Variants in CPZ observed in about 807,000 individuals in gnomAD.
CPZ encodes carboxypeptidase Z.
A neutral mutation model predicts 61.8 loss-of-function variants in CPZ; 103 were observed. That is an observed-to-expected ratio of 1.67 (90% CI 1.42 to 1.96). The LOEUF (loss-of-function observed/expected upper bound fraction) is 1.96. CPZ is among the 30% of genes most tolerant of loss of function. The pLI is 0.00. For missense variants in CPZ, 1,461 were observed against 914.9 expected (o/e 1.60, Z -7.70); for synonymous variants, 551 against 373.7 (o/e 1.47, Z -5.47).
intron 2 of CPZ, chr4:8,600,855 TGCAGATGGAGAC>T (rs902705776): frequency 4.2e-5 from 45 of 1,074,760 alleles, no homozygotes; most frequent in Non-Finnish European, 5.2e-5. Context: ...ACAGCTGCTT[TGCAGATGGAGAC>T]GCCGAGGCTC....
At chr4:8,593,556 TC>T (rs1448254958) in intron 1 of CPZ, among the ~76,000 whole-genome samples, 1 of 152,150 alleles carries the variant, frequency 6.6e-6, no homozygotes, top group Admixed American at 6.5e-5. Context: ...GATCCTGGGC[TC>T]CCGTCTGGCC....
At chr4:8,605,384 C>T (rs1043115694) in intron 4 of CPZ, among the ~76,000 whole-genome samples, 5 of 138,602 alleles carry the variant, frequency 3.6e-5, no homozygotes, top group African/African-American at 1.4e-4. Flanking sequence ...CATCCATCAT[C>T]CACCCATTCA....
chr4:8,609,945 G>C (rs1333456939), intron 7 of CPZ, among the ~76,000 whole-genome samples: 1 of 152,184 alleles, frequency 6.6e-6, no homozygotes, highest in Non-Finnish European at 1.5e-5. Flanking sequence ...ACGGACGAGA[G>C]CCAGTGCCTG....
chr4:8,599,611 T>C (rs1326350302), intron 2 of CPZ, 126 bp downstream of exon 2: 1 of 1,511,736 alleles, frequency 6.6e-7, no homozygotes, highest in Admixed American at 2.2e-5. Flanking sequence ...AGCCCATTAA[T>C]CAAACTAGAA....
chr4:8,608,054 C>T (rs1050143766), intron 7 of CPZ, among the ~76,000 whole-genome samples: 5 of 146,872 alleles, frequency 3.4e-5, no homozygotes, highest in South Asian at 2.3e-4. Context: ...TGGGGGAGGG[C>T]GCGGAGTTGG....
rs200000482 is a variant in CPZ at position 8,619,605 on chromosome 4, G to A, written c.1947G>A (p.Leu649=). 1.7e-5 allele frequency: 25 copies of A among 1,502,556 alleles called. No homozygotes were observed. In the African/African-American group the frequency reaches 2.4e-4, roughly 14 times the overall value. 93.1% of individuals were successfully genotyped at this position (1,502,556 alleles called of 1,614,324 possible). ...TSLSTHRPRW[L]LKY is the part of the protein sequence containing the mutation. The stretch of plus-strand genomic sequence containing the variant: ...TGAGCACCCACAGGCCACGCTGGCT[G>A]CTCAAGTACTAGCCCCGGCCCCAGC... The change falls in exon 11 of 11, where the codon CTG becomes CTA. Residue 649 remains leucine, a synonymous_variant. Transcript: ENST00000360986.
rs749219900 is a variant in CPZ at position 8,612,018 on chromosome 4, C to T, written c.1228-9C>T. On this transcript the variant is annotated splice_polypyrimidine_tract_variant and intron_variant, in intron 7 of 10. Transcript: ENST00000360986. ...CCCTTTCCTTATCTGAGCCAGGTTT[C>T]TTTTCCAGATGTTCAAGCTGCTGTC... 1 of 1,613,922 alleles carries T rather than the reference C, an allele frequency of 6.2e-7. No homozygotes were observed. Among genetic ancestry groups the T allele is most frequent in the Admixed American group, 1.7e-5 (1 of 60,002 alleles).
intron 3 of CPZ, chr4:8,603,520 G>C (rs1714729485): frequency 5.9e-6 from 1 of 169,908 alleles, no homozygotes; most frequent in Admixed American, 6.1e-5. Context: ...AGCCGGAGGG[G>C]GCACCACAAG....
intron 3 of CPZ, chr4:8,602,230 C>G (rs1010959374): frequency 4.6e-5 from 7 of 152,388 alleles, no homozygotes; most frequent in Non-Finnish European, 8.8e-5. Context: ...CATGGAGTCC[C>G]CTGTGTCTGT....
intron 8 of CPZ, among the ~76,000 whole-genome samples, chr4:8,613,661 A>G (rs1320433224): frequency 6.6e-6 from 1 of 152,118 alleles, no homozygotes; most frequent in African/African-American, 2.4e-5. Context: ...TGCCTTGGAG[A>G]TGGTCATGGC....
intron 1 of CPZ, among the ~76,000 whole-genome samples, chr4:8,593,895 A>G (rs542362709): frequency 3.9e-5 from 6 of 152,164 alleles, no homozygotes; most frequent in African/African-American, 1.2e-4. Flanking sequence ...GTGTGTGCTC[A>G]TGCAGGTGTG....
Position 8,619,341 on chromosome 4 carries a change from C to A in CPZ, c.1683C>A (p.Val561=). 1 of 1,614,180 alleles carries A rather than the reference C, an allele frequency of 6.2e-7. No individual in the cohort carries two copies. Among genetic ancestry groups the A allele is most frequent in the Non-Finnish European group, 8.5e-7 (1 of 1,180,008 alleles). The change falls in exon 11 of 11, where the codon GTC becomes GTA. Residue 561 remains valine (V), a synonymous_variant. Coordinates refer to ENST00000360986, the MANE Select transcript of CPZ (RefSeq NM_001014447.3). Reference sequence around the variant, plus strand: ...CCCAAGCCCCTGGCTACGCCAAAGTCATCAAGAAAGTCATCATCCCCGCCC... The same window carrying A: ...CCCAAGCCCCTGGCTACGCCAAAGTAATCAAGAAAGTCATCATCCCCGCCC... ...VIAQAPGYAK[V]IKKVIIPARM...
At chr4:8,617,700 C>T (rs1173385845) in intron 9 of CPZ, among the ~76,000 whole-genome samples, 2 of 152,182 alleles carry the variant, frequency 1.3e-5, no homozygotes, top group Non-Finnish European at 2.9e-5. Flanking sequence ...TGGACGGACT[C>T]CTCTCCCCAC....
intron 8 of CPZ, among the ~76,000 whole-genome samples, chr4:8,613,114 G>C (rs1203631603): frequency 1.3e-5 from 2 of 151,480 alleles, no homozygotes; most frequent in Non-Finnish European, 2.9e-5. Flanking sequence ...GCAGAGCTGG[G>C]AGAGGCCCCT....
chr4:8,599,535 C>T (rs369837263), intron 2 of CPZ, 50 bp downstream of exon 2: 2 of 1,608,176 alleles, frequency 1.2e-6, no homozygotes, highest in Non-Finnish European at 1.7e-6. Context: ...GGGCTGCAGC[C>T]CCCACACTGT....
chr4:8,615,680 A>G (rs543738245), intron 9 of CPZ, among the ~76,000 whole-genome samples: 7 of 152,182 alleles, frequency 4.6e-5, no homozygotes, highest in East Asian at 1.9e-4. Context: ...CAGGCTCCCA[A>G]TGTCTGCGAG....
intron 7 of CPZ, among the ~76,000 whole-genome samples, chr4:8,609,941 G>C (rs1226546862): frequency 6.6e-6 from 1 of 152,152 alleles, no homozygotes; most frequent in Admixed American, 6.5e-5. Flanking sequence ...CCCTACGGAC[G>C]AGAGCCAGTG....
intron 8 of CPZ, 41 bp downstream of exon 8, chr4:8,612,203 G>C (rs761120422): frequency 1.1e-4 from 30 of 263,842 alleles, no homozygotes; most frequent in African/African-American, 7.4e-4. Flanking sequence ...GGGGTGGGGG[G>C]TGCAGGGGCT....
intron 7 of CPZ, chr4:8,611,341 G>A: frequency 2.2e-6 from 1 of 447,846 alleles, no homozygotes; most frequent in Non-Finnish European, 4.5e-6. Flanking sequence ...TGGGGGATGG[G>A]CACAATGCGG....
Sources: allele counts gnomAD v4.1 joint callset (sites outside exome capture counted in the v4.1 genomes callset), GRCh38; gene constraint gnomAD v4.1.1; transcripts MANE v1.5; gene names NCBI Gene and HGNC (gene_info 2026-07-23, HGNC 2026-07-21).